Variants in VWA3B observed in about 807,000 individuals in gnomAD.
The protein encoded by VWA3B is von Willebrand factor A domain containing 3B.
In VWA3B, 138 loss-of-function variants were observed where a neutral mutation model predicts 158.3. That is an observed-to-expected ratio of 0.87 (90% CI 0.76 to 1.00). The LOEUF (loss-of-function observed/expected upper bound fraction) is 1.00. Ranked by LOEUF, VWA3B falls within the 50% of genes least tolerant of loss-of-function variation. VWA3B has a pLI of 0.00. For missense variants in VWA3B, 1,555 were observed against 1,565.1 expected (o/e 0.99, Z 0.11); for synonymous variants, 596 against 587.3 (o/e 1.01, Z -0.21).
intron 22 of VWA3B, among the ~76,000 whole-genome samples, chr2:98,276,781 G>A (rs993712556): frequency 4.6e-5 from 7 of 152,180 alleles, no homozygotes; most frequent in Admixed American, 1.3e-4. Flanking sequence ...TGTGTCCAGA[G>A]GGCTGTGGCC....
intron 16 of VWA3B, among the ~76,000 whole-genome samples, chr2:98,230,931 G>A (rs2105703303): frequency 6.6e-6 from 1 of 152,296 alleles, no homozygotes; most frequent in African/African-American, 2.4e-5. Flanking sequence ...AAGTCCTAGA[G>A]CTACTGAGTT....
rs541870644 is a variant in VWA3B at position 98,234,839 on chromosome 2, G to A, written c.2428+72G>A. ...GTGTATCTGTTCCAGAAAGAGCTGCGTGTAGATATGTTGGGGAAATCATAT... is the reference window on the plus strand; with the variant it reads ...GTGTATCTGTTCCAGAAAGAGCTGCATGTAGATATGTTGGGGAAATCATAT... On this transcript the variant is annotated intron_variant, in intron 17 of 27. Coordinates refer to ENST00000477737, the MANE Select transcript of VWA3B (RefSeq NM_144992.5). 220 of 1,588,588 alleles carry A rather than the reference G, an allele frequency of 1.4e-4. No individual in the cohort carries two copies. In the East Asian group the frequency reaches 3.0e-3, roughly 22 times the overall value.
chr2:98,162,214 CGAT>C (rs905103263), intron 7 of VWA3B, among the ~76,000 whole-genome samples: 3 of 139,912 alleles, frequency 2.1e-5, no homozygotes, highest in Non-Finnish European at 3.1e-5. Context: ...GCCTGGATCT[CGAT>C]GAAGGCAGAG....
chr2:98,252,822 AGTAAG>A (rs1289495265), intron 20 of VWA3B, among the ~76,000 whole-genome samples: 1 of 152,172 alleles, frequency 6.6e-6, no homozygotes, highest in Non-Finnish European at 1.5e-5. Flanking sequence ...AAACAAACAT[AGTAAG>A]TCATTTGTCC....
At chr2:98,297,621 T>C (rs1033389034) in intron 23 of VWA3B, among the ~76,000 whole-genome samples, 1 of 152,192 alleles carries the variant, frequency 6.6e-6, no homozygotes, top group East Asian at 1.9e-4. Flanking sequence ...CCAGGACCCA[T>C]GTTCCTGTCA....
intron 8 of VWA3B, among the ~76,000 whole-genome samples, chr2:98,180,247 C>T (rs113776930): frequency 1.8e-4 from 27 of 151,688 alleles, no homozygotes; most frequent in South Asian, 6.2e-4. Flanking sequence ...CAGGCTGGAG[C>T]GCAGTGGTGC....
intron 3 of VWA3B, 42 bp downstream of exon 3, chr2:98,115,788 G>A (rs773078893): frequency 1.3e-6 from 2 of 1,509,074 alleles, no homozygotes; most frequent in Admixed American, 3.4e-5. Flanking sequence ...GTGACATGGT[G>A]CTGACATCAC....
chr2:98,243,990 A>G (rs1475567806), intron 19 of VWA3B, among the ~76,000 whole-genome samples: 3 of 152,198 alleles, frequency 2.0e-5, no homozygotes, highest in African/African-American at 7.2e-5. Flanking sequence ...GAGTTGAACA[A>G]TAGATAATCA....
chr2:98,118,087 T>C (rs1213504781), intron 3 of VWA3B, among the ~76,000 whole-genome samples: 2 of 152,224 alleles, frequency 1.3e-5, no homozygotes, highest in African/African-American at 2.4e-5. Context: ...ATACTATCTG[T>C]GGAATCTTCA....
chr2:98,245,791 T>C (rs1686354767), intron 19 of VWA3B, among the ~76,000 whole-genome samples: 1 of 152,164 alleles, frequency 6.6e-6, no homozygotes, highest in Non-Finnish European at 1.5e-5. Context: ...CAAGGGACTT[T>C]CATTTTGTTG....
At chr2:98,173,494 AG>A (rs1232983670) in intron 8 of VWA3B, among the ~76,000 whole-genome samples, 2 of 152,264 alleles carry the variant, frequency 1.3e-5, no homozygotes, top group African/African-American at 4.8e-5. Context: ...AAACATTTGC[AG>A]AAAAATACCA....
Position 98,303,796 on chromosome 2 carries a change from C to T in VWA3B, c.3515C>T (p.Pro1172Leu), listed in dbSNP as rs1690347517. Reference sequence around the variant, plus strand: ...AAGTCACCCCCAATTCCTGAGGATCCAGAAGTGTAAGTGTACTCAACTTTT... The same window carrying T: ...AAGTCACCCCCAATTCCTGAGGATCTAGAAGTGTAAGTGTACTCAACTTTT... The part of the protein sequence containing the change: ...HIKSPPIPED[P>L]EVEDVEARNS... The change falls in exon 26 of 28, where the codon CCA becomes CTA. Residue 1172 changes from proline (P) to leucine (L), a missense_variant. Coordinates refer to ENST00000477737, the MANE Select transcript of VWA3B (RefSeq NM_144992.5). 1.2e-6 allele frequency: 2 copies of T among 1,613,922 alleles called. No homozygotes were observed. The highest frequency in any genetic ancestry group is 2.2e-5 in the East Asian group (1 of 44,882).
chr2:98,201,539 G>A (rs907809749), intron 12 of VWA3B, among the ~76,000 whole-genome samples: 2 of 152,188 alleles, frequency 1.3e-5, no homozygotes, highest in Non-Finnish European at 2.9e-5. Context: ...AGTGGTGAGA[G>A]AGAACATACT....
intron 22 of VWA3B, among the ~76,000 whole-genome samples, chr2:98,277,651 C>A (rs1417641988): frequency 1.3e-5 from 2 of 152,158 alleles, no homozygotes; most frequent in African/African-American, 4.8e-5. Flanking sequence ...GAGCCTATGG[C>A]CTTCAGGGGT....
At chr2:98,290,395 T>G in intron 22 of VWA3B, 116 bp from the exon 23 acceptor site, 62 of 755,268 alleles carry the variant, frequency 8.2e-5, no homozygotes, top group Non-Finnish European at 1.0e-4. Flanking sequence ...TAATTCAACA[T>G]GAGATTTGGA....
At chr2:98,138,088 T>C (rs1183712028) in intron 7 of VWA3B, among the ~76,000 whole-genome samples, 1 of 152,170 alleles carries the variant, frequency 6.6e-6, no homozygotes, top group Non-Finnish European at 1.5e-5. Context: ...CCTCCCCACC[T>C]TCTAACACCA....
intron 8 of VWA3B, among the ~76,000 whole-genome samples, chr2:98,174,843 GA>G (rs1422823201): frequency 1.3e-5 from 2 of 152,192 alleles, no homozygotes; most frequent in African/African-American, 4.8e-5. Context: ...CTACAGCATG[GA>G]AAGTGTGGCC....
chr2:98,329,051 T>C, the VWA3B span, among the ~76,000 whole-genome samples: 6 of 152,130 alleles, frequency 3.9e-5, no homozygotes, highest in African/African-American at 4.8e-5. Flanking sequence ...GTCAACTGAT[T>C]TTCAACAAAA....
chr2:98,262,600 G>A (rs2105850228), intron 21 of VWA3B, among the ~76,000 whole-genome samples: 1 of 151,858 alleles, frequency 6.6e-6, no homozygotes, highest in African/African-American at 2.4e-5. Context: ...CTTATTTATG[G>A]ACTCTTTATT....
Sources: gnomAD v4.1 joint callset for allele counts (sites outside exome capture counted in the v4.1 genomes callset) on GRCh38, gnomAD v4.1.1 for gene constraint, MANE v1.5 for transcripts, NCBI Gene and HGNC (gene_info 2026-07-23, HGNC 2026-07-21) for gene names.